The following GRM5 variants were observed in gnomAD, a reference collection of about 807,000 sequenced individuals.
The protein encoded by GRM5 is metabotropic glutamate receptor 5.
A neutral mutation model predicts 83.1 loss-of-function variants in GRM5; 19 were observed. The ratio of observed to expected loss-of-function variants is 0.23; its 90% confidence interval spans 0.16 to 0.34. The LOEUF (loss-of-function observed/expected upper bound fraction) is 0.34, where lower values mean the gene tolerates loss of function less well. Among genes scored for constraint, GRM5 ranks in the 10% least tolerant of loss-of-function variants. The pLI is 1.00. For synonymous variants in GRM5, 675 were observed against 633.6 expected, an observed-to-expected ratio of 1.07 and a Z score of -0.98; for missense variants, 1,160 against 1,588.3, an observed-to-expected ratio of 0.73 and a Z score of 4.58.
chr11:88,878,165 A>G (rs1489069249), intron 2 of GRM5, among the ~76,000 whole-genome samples: 1 of 152,168 alleles, frequency 6.6e-6, no homozygotes, highest in East Asian at 1.9e-4. Context: ...CAAATTTGGA[A>G]AAAGCAAAAA....
In GRM5 at chr11:88,518,374, T is replaced by C. The variant is rs1368029286; in HGVS notation, c.2726+6935A>G. ...TCTGGAAAAATGCTTATAATAAGAT[T>C]TCAAGGATTACTATAAGCTACTCAT... On this transcript the variant is annotated intron_variant, in intron 9 of 9. Coordinates refer to ENST00000305447, the MANE Select transcript of GRM5 (RefSeq NM_001143831.3). Among the ~76,000 whole-genome samples the C allele has an allele frequency of 2.0e-5, 3 of 152,082 alleles. No individual in the cohort carries two copies. The East Asian group carries it at 5.8e-4, about 29-fold the overall frequency.
At chr11:88,931,892 G>C (rs1487946143) in intron 2 of GRM5, among the ~76,000 whole-genome samples, 1 of 151,986 alleles carries the variant, frequency 6.6e-6, no homozygotes, top group Non-Finnish European at 1.5e-5. Flanking sequence ...CATTATATAT[G>C]TCATGAAAAC....
At chr11:88,623,189 G>A (rs1267495107) in intron 4 of GRM5, among the ~76,000 whole-genome samples, 6 of 152,064 alleles carry the variant, frequency 3.9e-5, no homozygotes, top group African/African-American at 7.2e-5. Context: ...AGGTTCAAGC[G>A]ATTCTCCTGC....
At chr11:88,842,233 T>TTG (rs1029326354) in intron 3 of GRM5, among the ~76,000 whole-genome samples, 1 of 152,136 alleles carries the variant, frequency 6.6e-6, no homozygotes, top group Non-Finnish European at 1.5e-5. Context: ...TCAACATGGT[T>TTG]TGTGTGTGAG....
intron 4 of GRM5, among the ~76,000 whole-genome samples, chr11:88,611,887 CT>C (rs370979694): frequency 0.12 from 18,015 of 151,978 alleles, 1,412 homozygotes; most frequent in Non-Finnish European, 0.18. Context: ...CCTAATACTG[CT>C]TTAGCTATGT....
At chr11:89,053,207 G>A (rs1941796140) in intron 1 of GRM5, among the ~76,000 whole-genome samples, 1 of 152,106 alleles carries the variant, frequency 6.6e-6, no homozygotes, top group Non-Finnish European at 1.5e-5. Flanking sequence ...GGTACAGTGT[G>A]TAGGTTATCT....
intron 3 of GRM5, among the ~76,000 whole-genome samples, chr11:88,811,768 T>G (rs1307379037): frequency 6.6e-6 from 1 of 152,058 alleles, no homozygotes; most frequent in Non-Finnish European, 1.5e-5. Context: ...GCACACAATA[T>G]ATGGTGATTT....
rs941734821 is a variant in GRM5 at position 88,817,399 on chromosome 11, C to T, written c.911+32507G>A. ...GACTTCTTTGTTTGAACTTGTGGAC[C>T]TATCCAATTTTCAGCTGTACTTGAT... On this transcript the variant is annotated intron_variant, in intron 3 of 9. Coordinates refer to ENST00000305447, the MANE Select transcript of GRM5 (RefSeq NM_001143831.3). 2.0e-5 allele frequency among the ~76,000 whole-genome samples: 3 copies of T among 151,786 alleles called. No individual in the cohort carries two copies. The East Asian group carries it at 5.8e-4, about 29-fold the overall frequency.
intron 2 of GRM5, among the ~76,000 whole-genome samples, chr11:88,970,014 G>C (rs927652315): frequency 6.6e-6 from 1 of 151,938 alleles, no homozygotes; most frequent in African/African-American, 2.4e-5. Context: ...TACTCAAGTA[G>C]GTATTACCTC....
In GRM5 at chr11:88,651,201, A is replaced by G. The variant is rs1216497907; in HGVS notation, c.1147+1967T>C. Among the ~76,000 whole-genome samples, 5 of 152,082 alleles carry G rather than the reference A, an allele frequency of 3.3e-5. No individual in the cohort carries two copies. The East Asian group carries it at 9.6e-4, about 29-fold the overall frequency. Reference sequence around the variant, plus strand: ...AATCAAGTAAAGTTTTCAAGGCTGTATTTAAGCAGGACTTCCAGGAAATAA... The same window carrying G: ...AATCAAGTAAAGTTTTCAAGGCTGTGTTTAAGCAGGACTTCCAGGAAATAA... On this transcript the variant is annotated intron_variant, in intron 4 of 9. Coordinates refer to ENST00000305447, the MANE Select transcript of GRM5 (RefSeq NM_001143831.3).
intron 2 of GRM5, among the ~76,000 whole-genome samples, chr11:88,893,877 G>A (rs1344300114): frequency 1.3e-5 from 2 of 151,996 alleles, no homozygotes; most frequent in Admixed American, 1.3e-4. Context: ...GGGAATGATA[G>A]AGGAGTTAAG....
chr11:89,061,485 T>C (rs1040760263), intron 1 of GRM5, among the ~76,000 whole-genome samples: 3 of 152,226 alleles, frequency 2.0e-5, no homozygotes, highest in African/African-American at 7.2e-5. Flanking sequence ...TAAAATGCTT[T>C]AGTCACAAAA....
In GRM5 at chr11:88,988,687, G is replaced by C. The variant is rs566270014; in HGVS notation, c.661+58525C>G. On this transcript the variant is annotated intron_variant, in intron 2 of 9. Transcript: ENST00000305447. Reference sequence around the variant, plus strand: ...TCGGCAGAAACCCTACAAGCCAGAAGAGAGTGGAGGCCAATACTCAACATT... The same window carrying C: ...TCGGCAGAAACCCTACAAGCCAGAACAGAGTGGAGGCCAATACTCAACATT... Among the ~76,000 whole-genome samples, 6 of 151,834 alleles carry C rather than the reference G, an allele frequency of 4.0e-5. No individual in the cohort carries two copies. The East Asian group carries it at 1.2e-3, about 29-fold the overall frequency.
At chr11:88,747,407 A>G (rs1179871735) in intron 3 of GRM5, among the ~76,000 whole-genome samples, 1 of 152,182 alleles carries the variant, frequency 6.6e-6, no homozygotes, top group African/African-American at 2.4e-5. Context: ...TTAGATAAAC[A>G]TGAAGCTTCT....
intron 2 of GRM5, among the ~76,000 whole-genome samples, chr11:89,033,915 A>G (rs1298791307): frequency 6.6e-6 from 1 of 151,964 alleles, no homozygotes; most frequent in Non-Finnish European, 1.5e-5. Context: ...GACAGATATC[A>G]AGAAATATTT....
intron 2 of GRM5, among the ~76,000 whole-genome samples, chr11:88,951,737 A>G (rs1938470922): frequency 6.6e-6 from 1 of 152,234 alleles, no homozygotes; most frequent in African/African-American, 2.4e-5. Flanking sequence ...TTGTGAGGCT[A>G]AAGATATTTT....
chr11:88,913,582 T>G, intron 2 of GRM5, among the ~76,000 whole-genome samples: 1 of 121,804 alleles, frequency 8.2e-6, no homozygotes, highest in Non-Finnish European at 1.6e-5. Flanking sequence ...TCCTTCTCTC[T>G]CTCTCTTTTT....
intron 7 of GRM5, among the ~76,000 whole-genome samples, chr11:88,571,289 G>A (rs1942996275): frequency 6.6e-6 from 1 of 152,216 alleles, no homozygotes; most frequent in South Asian, 2.1e-4. Context: ...TGTACATGAG[G>A]CTTGTCTCTA....
intron 3 of GRM5, among the ~76,000 whole-genome samples, chr11:88,733,738 G>A (rs1941854179): frequency 6.6e-6 from 1 of 152,016 alleles, no homozygotes; most frequent in Admixed American, 6.6e-5. Context: ...TTATACAATA[G>A]CAGATAAACT....
Sources: gnomAD v4.1 joint callset for allele counts (sites outside exome capture counted in the v4.1 genomes callset) on GRCh38, gnomAD v4.1.1 for gene constraint, MANE v1.5 for transcripts, NCBI Gene and HGNC (gene_info 2026-07-23, HGNC 2026-07-21) for gene names.